Variants in PSPH observed in about 807,000 individuals in gnomAD.
PSPH encodes the protein phosphoserine phosphatase.
A neutral mutation model predicts 23.4 loss-of-function variants in PSPH; 16 were observed. That is an observed-to-expected ratio of 0.68 (90% CI 0.46 to 1.04). The LOEUF is 1.04. Ranked by LOEUF, PSPH falls within the 50% of genes least tolerant of loss-of-function variation. The probability of loss-of-function intolerance (pLI) is 0.00; values close to 1 mark genes in which losing one functional copy is unlikely to be tolerated. For synonymous variants in PSPH, 68 were observed against 99.7 expected, an observed-to-expected ratio of 0.68 and a Z score of 1.89; for missense variants, 223 against 273.7, an observed-to-expected ratio of 0.81 and a Z score of 1.31.
intron 1 of PSPH, among the ~76,000 whole-genome samples, chr7:56,034,928 G>A (rs1248652162): frequency 6.6e-6 from 1 of 151,988 alleles, no homozygotes; most frequent in East Asian, 1.9e-4. Context: ...GATGGGGGGG[G>A]GTCTCACTGT....
At chr7:56,031,094 C>T (rs924079151) in intron 3 of PSPH, among the ~76,000 whole-genome samples, 2 of 151,558 alleles carry the variant, frequency 1.3e-5, no homozygotes, top group African/African-American at 4.8e-5. Flanking sequence ...GCCTGTAGTC[C>T]CAGCTACTCG....
At chr7:56,023,006 C>T (rs1342259760) in intron 3 of PSPH, among the ~76,000 whole-genome samples, 1 of 152,086 alleles carries the variant, frequency 6.6e-6, no homozygotes, top group Non-Finnish European at 1.5e-5. Context: ...TTGCAGTGAG[C>T]CAAGATCACG....
intron 1 of PSPH, among the ~76,000 whole-genome samples, chr7:56,038,682 C>T (rs1049493742): frequency 6.6e-6 from 1 of 151,828 alleles, no homozygotes; most frequent in East Asian, 2.0e-4. Context: ...AAAAAATAAA[C>T]AAAATTAGCT....
At chr7:56,036,013 G>A (rs1791681163) in intron 1 of PSPH, among the ~76,000 whole-genome samples, 1 of 152,050 alleles carries the variant, frequency 6.6e-6, no homozygotes, top group Non-Finnish European at 1.5e-5. Context: ...TGTATCATCT[G>A]AGGCCAGGAG....
At chr7:56,044,246 A>G (rs1792938884) in intron 1 of PSPH, among the ~76,000 whole-genome samples, 1 of 152,102 alleles carries the variant, frequency 6.6e-6, no homozygotes, top group Non-Finnish European at 1.5e-5. Context: ...CTGGTCTTGC[A>G]TGGGAATATT....
At chr7:56,021,286 T>TC in intron 3 of PSPH, 55 bp from the exon 4 acceptor site, 1 of 1,524,732 alleles carries the variant, frequency 6.6e-7, no homozygotes, top group South Asian at 1.2e-5. Flanking sequence ...TATGAAAAGA[T>TC]CCCACCTTGC....
chr7:56,045,363 G>C (rs950752228), intron 1 of PSPH, among the ~76,000 whole-genome samples: 4 of 151,482 alleles, frequency 2.6e-5, no homozygotes, highest in African/African-American at 9.7e-5. Flanking sequence ...AATTAGCCAG[G>C]CATGATGGTG....
chr7:56,050,571 G>T (rs1374498636), intron 1 of PSPH, among the ~76,000 whole-genome samples: 2 of 152,118 alleles, frequency 1.3e-5, no homozygotes, highest in Non-Finnish European at 2.9e-5. Context: ...CTGGCCCCTA[G>T]TTGAGTCATT....
chr7:56,028,135 T>A (rs921965971), intron 3 of PSPH, among the ~76,000 whole-genome samples: 2 of 151,842 alleles, frequency 1.3e-5, no homozygotes, highest in African/African-American at 2.4e-5. Flanking sequence ...GATTTACACA[T>A]CCCCAGCTGA....
At chr7:56,026,488 C>CAAAAAAA (rs56089644) in intron 3 of PSPH, among the ~76,000 whole-genome samples, 4 of 70,362 alleles carry the variant, frequency 5.7e-5, no homozygotes, top group African/African-American at 5.9e-5. Context: ...GACTCCATCT[C>CAAAAAAA]AAAAAAAAAA....
chr7:56,026,703 C>A (rs1790236940), intron 3 of PSPH, among the ~76,000 whole-genome samples: 1 of 151,822 alleles, frequency 6.6e-6, no homozygotes, highest in South Asian at 2.1e-4. Flanking sequence ...AGAAATCAAG[C>A]TAATTCATAC....
intron 5 of PSPH, among the ~76,000 whole-genome samples, 199 bp downstream of exon 5, chr7:56,019,401 T>C (rs1230327340): frequency 6.7e-6 from 1 of 149,980 alleles, no homozygotes; most frequent in Admixed American, 6.7e-5. Context: ...ATTTCACCAC[T>C]GCACTCCAGC....
intron 2 of PSPH, among the ~76,000 whole-genome samples, chr7:56,033,709 G>C (rs1434871813): frequency 6.6e-6 from 1 of 152,084 alleles, no homozygotes; most frequent in African/African-American, 2.4e-5. Flanking sequence ...TTCCAATCTT[G>C]CACTAAGGGT....
intron 1 of PSPH, among the ~76,000 whole-genome samples, chr7:56,042,171 C>T (rs1478197025): frequency 6.8e-6 from 1 of 146,086 alleles, no homozygotes; most frequent in Admixed American, 7.1e-5. Context: ...TTACAGTGAG[C>T]CAAGATCCCT....
Position 56,015,174 on chromosome 7 carries a change from TAA to T in PSPH, c.422-5_422-4del. The T allele has an allele frequency of 6.2e-7, 1 of 1,613,810 alleles. No individual in the cohort carries two copies. The highest frequency in any genetic ancestry group is 8.5e-7 in the Non-Finnish European group (1 of 1,179,826). On this transcript the variant is annotated splice_region_variant and splice_polypyrimidine_tract_variant and intron_variant, in intron 6 of 7. Transcript: ENST00000275605. ...CTCATCAAAACCTGCATATTCACCT[TAA>T]AAGAGAAATAAAAATAGGGTTAAAG...
intron 1 of PSPH, among the ~76,000 whole-genome samples, chr7:56,034,593 G>A (rs1344269530): frequency 1.3e-5 from 2 of 152,212 alleles, no homozygotes; most frequent in African/African-American, 2.4e-5. Context: ...TCGGCTCACT[G>A]CAAGCTCCGC....
chr7:56,042,237 A>G (rs1231449496), intron 1 of PSPH, among the ~76,000 whole-genome samples: 22 of 151,132 alleles, frequency 1.5e-4, no homozygotes, highest in African/African-American at 5.1e-4. Context: ...AAAAAAAAAA[A>G]TCTGTCTGAA....
intron 6 of PSPH, among the ~76,000 whole-genome samples, chr7:56,015,760 AC>A (rs1047313602): frequency 1.3e-5 from 2 of 151,816 alleles, no homozygotes; most frequent in African/African-American, 4.8e-5. Context: ...CCAGGTTCAA[AC>A]CATTCTCGTG....
At chr7:56,019,190 C>G (rs1399327324) in intron 5 of PSPH, among the ~76,000 whole-genome samples, 1 of 151,968 alleles carries the variant, frequency 6.6e-6, no homozygotes, top group East Asian at 1.9e-4. Flanking sequence ...AGCTATAATC[C>G]CAGCACTTTG....
Sources: gnomAD v4.1 joint callset for allele counts (sites outside exome capture counted in the v4.1 genomes callset) on GRCh38, gnomAD v4.1.1 for gene constraint, MANE v1.5 for transcripts, NCBI Gene and HGNC (gene_info 2026-07-23, HGNC 2026-07-21) for gene names.